Variants in SLFN14 observed in about 807,000 individuals in gnomAD.
SLFN14 encodes schlafen family member 14.
Under a neutral mutation model 58.6 loss-of-function variants are expected in SLFN14, and 47 were observed. The ratio of observed to expected loss-of-function variants is 0.80; its 90% CI spans 0.64 to 1.02. The LOEUF is 1.02. Ranked by LOEUF, SLFN14 falls within the 50% of genes least tolerant of loss-of-function variation. The pLI, the probability that SLFN14 is intolerant of heterozygous loss-of-function variation, is 0.00. For missense variants in SLFN14, 967 were observed against 1,078.4 expected, an observed-to-expected ratio of 0.90 and a Z score of 1.45; for synonymous variants, 390 against 387.3, an observed-to-expected ratio of 1.01 and a Z score of -0.08.
In SLFN14 at chr17:35,548,204, C is replaced by T. The variant is rs368851401; in HGVS notation, c.*35G>A. 5.9e-6 allele frequency: 9 copies of T among 1,532,310 alleles called. No individual in the cohort carries two copies. Among genetic ancestry groups the T allele is most frequent in the East Asian group, 4.9e-5 (2 of 40,794 alleles). The allele number at this position is 1,532,310 out of a possible 1,614,324, so 94.9% of individuals were successfully genotyped here. A position where few individuals can be genotyped will look rare whatever the true frequency, so the allele number is the denominator to read the frequency against. On this transcript the variant is annotated 3_prime_UTR_variant, in exon 6 of 6. Coordinates refer to ENST00000674182, the MANE Select transcript of SLFN14 (RefSeq NM_001129820.2). ...TACCTGTCTAGGAGAAAGGACTCTG[C>T]TCTTCCTGTCTTCCTCTATTATTTG...
Position 35,553,346 on chromosome 17 carries a change from G to T in SLFN14, c.1288C>A (p.Pro430Thr). 1 of 1,551,564 alleles carries T rather than the reference G, an allele frequency of 6.4e-7. No homozygotes were observed. The highest frequency in any genetic ancestry group is 2.4e-5 in the East Asian group (1 of 40,892). ...AATATCACAATCCCCTGAGAACAAGGATGTATCAGGGTCTTCATTAAACCC... is the reference window on the plus strand; with the variant it reads ...AATATCACAATCCCCTGAGAACAAGTATGTATCAGGGTCTTCATTAAACCC... ...LEGLMKTLIH[P>T]CSQGIVIFSR... Residue 430 changes from proline to threonine, a missense_variant, in exon 5 of 6, where the codon CCT (proline) becomes ACT (threonine). Coordinates refer to ENST00000674182, the MANE Select transcript of SLFN14 (RefSeq NM_001129820.2).
At position 35,556,866 on chromosome 17, in the gene SLFN14, G is replaced by A. The variant is rs1176387605; in HGVS notation, c.1060+137C>T. The A allele has an allele frequency of 1.3e-4, 101 of 807,424 alleles. 1 individual carries two copies. Among genetic ancestry groups the A allele is most frequent in the Admixed American group, 6.2e-5 (2 of 32,132 alleles). The allele number at this position is 807,424 out of a possible 1,614,324, so 50.0% of individuals were successfully genotyped here. A position where few individuals can be genotyped will look rare whatever the true frequency, so the allele number is the denominator to read the frequency against. On this transcript the variant is annotated intron_variant, in intron 3 of 5. Coordinates refer to ENST00000674182, the MANE Select transcript of SLFN14 (RefSeq NM_001129820.2). ...TTTGGAACTAAAAATGTTAGATAAG[G>A]AACACTGTAATGGGAGAACACTTAT... is the stretch of plus-strand genomic sequence containing the variant.
intron 4 of SLFN14, among the ~76,000 whole-genome samples, chr17:35,554,102 TAGA>T (rs1263603392): frequency 6.6e-6 from 1 of 151,996 alleles, no homozygotes; most frequent in Non-Finnish European, 1.5e-5. Flanking sequence ...AACCCTGCTT[TAGA>T]AGAAGTTCAG....
At position 35,557,057 on chromosome 17, in the gene SLFN14, C is replaced by A; in HGVS notation, c.1006G>T (p.Val336Phe). Reference sequence around the variant, plus strand: ...CACTGCTCAGCTGTCAGCCGTGTGACAGAATTGTCTTTCATGATCCAGGAA... The same window carrying A: ...CACTGCTCAGCTGTCAGCCGTGTGAAAGAATTGTCTTTCATGATCCAGGAA... The part of the protein sequence containing the change: ...PDSWIMKDNS[V>F]TRLTAEQWVV... The change falls in exon 3 of 6, where the codon GTC becomes TTC. Residue 336 changes from valine (V) to phenylalanine (F), a missense_variant. Physicochemically the swap from Val to Phe is conservative, Grantham distance 50 (BLOSUM62 -1). Coordinates refer to ENST00000674182, the MANE Select transcript of SLFN14 (RefSeq NM_001129820.2). The A allele has an allele frequency of 6.4e-7, 1 of 1,551,660 alleles. No homozygotes were observed. The highest frequency in any genetic ancestry group is 1.2e-5 in the South Asian group (1 of 84,068).
Position 35,552,887 on chromosome 17 carries a change from G to C in SLFN14, c.1747C>G (p.Leu583Val). Residue 583 changes from leucine (L) to valine (V), a missense_variant, in exon 5 of 6, where the codon CTT (leucine) becomes GTT (valine). Coordinates refer to ENST00000674182, the MANE Select transcript of SLFN14 (RefSeq NM_001129820.2). ...ATGAATAATTCACGTGTCTTCTGAA[G>C]ACTCTCAGAAAGCAACTGGCTCTGC... ...MEQSQLLSES[L>V]QKTRELFIYC... The C allele has an allele frequency of 1.3e-6, 2 of 1,551,458 alleles. No individual in the cohort carries two copies. Among genetic ancestry groups the C allele is most frequent in the Non-Finnish European group, 1.7e-6 (2 of 1,146,982 alleles).
In SLFN14 at chr17:35,546,752, A is replaced by G. The variant is rs1465115454; in HGVS notation, c.*1487T>C. 6.6e-6 allele frequency among the ~76,000 whole-genome samples: 1 copy of G among 152,346 alleles called. No individual in the cohort carries two copies. Among genetic ancestry groups the G allele is most frequent in the African/African-American group, 2.4e-5 (1 of 41,580 alleles). On this transcript the variant is annotated 3_prime_UTR_variant, in exon 6 of 6. Transcript: ENST00000674182. ...ATTGGAAAGTTTCACTTAGGGAGAT[A>G]ATAAAAGTTTAATTGAGGTAGTAGG...
intron 5 of SLFN14, among the ~76,000 whole-genome samples, chr17:35,549,541 T>C (rs552947897): frequency 5.8e-4 from 88 of 152,366 alleles, no homozygotes; most frequent in African/African-American, 2.1e-3. Flanking sequence ...CTAAAGCTTC[T>C]TTAGATTTTG....
In SLFN14 at chr17:35,557,638, C is replaced by G. The variant is rs1471562948; in HGVS notation, c.425G>C (p.Ser142Thr). The change falls in exon 3 of 6, where the codon AGT (serine) becomes ACT (threonine). Residue 142 changes from serine to threonine, a missense_variant. Ser to Thr is a moderately conservative substitution (Grantham distance 58). Coordinates refer to ENST00000674182, the MANE Select transcript of SLFN14 (RefSeq NM_001129820.2). ...RRDVTSAINL[S>T]ASSALELLRE... ...GAGAAGCTCCAGGGCACTGCTAGCACTCAAGTTGATAGCAGAAGTCACATC... is the reference window on the plus strand; with the variant it reads ...GAGAAGCTCCAGGGCACTGCTAGCAGTCAAGTTGATAGCAGAAGTCACATC... The G allele has an allele frequency of 1.3e-6, 2 of 1,551,720 alleles. No homozygotes were observed. Among genetic ancestry groups the G allele is most frequent in the Admixed American group, 3.9e-5 (2 of 51,010 alleles).
rs776973292 is a variant in SLFN14, at chr17:35,552,876, T to C, written c.1758A>G (p.Thr586=). Residue 586 remains threonine (T), a synonymous_variant, in exon 5 of 6, where the codon ACA becomes ACG. Transcript: ENST00000674182. ...GAAAGCAGTAGATGAATAATTCACG[T>C]GTCTTCTGAAGACTCTCAGAAAGCA... ...SQLLSESLQK[T]RELFIYCFPG... The C allele has an allele frequency of 6.4e-7, 1 of 1,551,616 alleles. No homozygotes were observed. The highest frequency in any genetic ancestry group is 2.4e-5 in the East Asian group (1 of 40,912).
chr17:35,557,143 C>T lies in SLFN14; in HGVS notation c.920G>A (p.Gly307Asp), dbSNP rs1567716494. Reference sequence around the variant, plus strand: ...CTCCACTTGAATCACACAGACATAACCATCCAGGACATCTTTTTGGTACAC... The same window carrying T: ...CTCCACTTGAATCACACAGACATAATCATCCAGGACATCTTTTTGGTACAC... ...LNVYQKDVLD[G>D]YVCVIQVEPF... Residue 307 changes from glycine to aspartate, a missense_variant, in exon 3 of 6, where the codon GGT becomes GAT. Transcript: ENST00000674182. 6.4e-6 allele frequency: 10 copies of T among 1,551,710 alleles called. No individual in the cohort carries two copies. Among genetic ancestry groups the T allele is most frequent in the Admixed American group, 2.0e-5 (1 of 51,006 alleles).
At chr17:35,554,770 CCT>C in intron 3 of SLFN14, 66 bp from the exon 4 acceptor site, 1 of 1,006,978 alleles carries the variant, frequency 9.9e-7, no homozygotes, top group Middle Eastern at 2.4e-4. Context: ...AAAAAAAAAG[CCT>C]CTTTTTTTGG....
intron 5 of SLFN14, among the ~76,000 whole-genome samples, chr17:35,552,039 A>G (rs1369742155): frequency 6.6e-6 from 1 of 152,182 alleles, no homozygotes; most frequent in East Asian, 1.9e-4. Flanking sequence ...CAAAGCTACA[A>G]ATGGTTCTTC....
At position 35,557,535 on chromosome 17, in the gene SLFN14, G is replaced by A; in HGVS notation, c.528C>T (p.Cys176=). 1 of 1,551,606 alleles carries A rather than the reference G, an allele frequency of 6.4e-7. No individual in the cohort carries two copies. Among genetic ancestry groups the A allele is most frequent in the Non-Finnish European group, 8.7e-7 (1 of 1,146,992 alleles). ...TCCTCATATCTTCCTCTTCCTGAAT[G>A]CATCTATTGAGAACCTGCTGAGGAT... ...KLHPQQVLNR[C]IQEEEDMRIL... is the part of the protein sequence containing the mutation. The change falls in exon 3 of 6, where the codon TGC becomes TGT. Residue 176 remains cysteine (C), a synonymous_variant. Transcript: ENST00000674182.
chr17:35,545,198 GACTT>G lies in SLFN14; in HGVS notation c.*3037_*3040del. ...AGTGTTAAAGATTATTCTCCACACT[GACTT>G]CTTTGAAATCTCTAACATTAGAAAT... On this transcript the variant is annotated 3_prime_UTR_variant, in exon 6 of 6. Coordinates refer to ENST00000674182, the MANE Select transcript of SLFN14 (RefSeq NM_001129820.2). Among the ~76,000 whole-genome samples, 1 of 152,128 alleles carries G rather than the reference GACTT, an allele frequency of 6.6e-6. No homozygotes were observed. Among genetic ancestry groups the G allele is most frequent in the Non-Finnish European group, 1.5e-5 (1 of 68,024 alleles).
At position 35,557,763 on chromosome 17, in the gene SLFN14, C is replaced by T. The variant is rs1335315024; in HGVS notation, c.300G>A (p.Gln100=). 1 of 1,551,726 alleles carries T rather than the reference C, an allele frequency of 6.4e-7. No individual in the cohort carries two copies. The highest frequency in any genetic ancestry group is 8.7e-7 in the Non-Finnish European group (1 of 1,147,000). ...CAAAAATCAGGAGATTGTGCCCCTG[C>T]TGCATGTAGTCAAGGTATTTCTGTG... is the stretch of plus-strand genomic sequence containing the variant. The part of the protein sequence containing the change: ...SGSQKYLDYM[Q]QGHNLLIFVK... The change falls in exon 3 of 6, where the codon CAG becomes CAA. Residue 100 remains glutamine (Q), a synonymous_variant. Transcript: ENST00000674182.
At chr17:35,555,426 C>T in intron 3 of SLFN14, among the ~76,000 whole-genome samples, 1 of 150,558 alleles carries the variant, frequency 6.6e-6, no homozygotes, top group East Asian at 1.9e-4. Flanking sequence ...TGGTGGTGTG[C>T]CTGTAATCCC....
At position 35,546,371 on chromosome 17, in the gene SLFN14, C is replaced by T. The variant is rs994744203; in HGVS notation, c.*1868G>A. On this transcript the variant is annotated 3_prime_UTR_variant, in exon 6 of 6. Transcript: ENST00000674182. ...AAGGGAGAGGTTTTTCTTTTCAACC[C>T]GTGCCTAGGTACAGACTAGCCCTTC... is the stretch of plus-strand genomic sequence containing the variant. Among the ~76,000 whole-genome samples, 2 of 152,064 alleles carry T rather than the reference C, an allele frequency of 1.3e-5. No individual in the cohort carries two copies. The highest frequency in any genetic ancestry group is 4.8e-5 in the African/African-American group (2 of 41,392).
chr17:35,557,344 C>G lies in SLFN14; in HGVS notation c.719G>C (p.Gly240Ala). 1 of 1,551,718 alleles carries G rather than the reference C, an allele frequency of 6.4e-7. No homozygotes were observed. Among genetic ancestry groups the G allele is most frequent in the Non-Finnish European group, 8.7e-7 (1 of 1,146,994 alleles). ...HYVSAFANTQGGYVLIGVDDK... is the reference protein window; with the variant it reads ...HYVSAFANTQAGYVLIGVDDK... ...ATCCACCCCAATGAGGACATATCCC[C>G]CTTGAGTGTTGGCAAATGCAGAAAC... is the stretch of plus-strand genomic sequence containing the variant. The change falls in exon 3 of 6, where the codon GGG becomes GCG. Residue 240 changes from glycine (G) to alanine (A), a missense_variant. Coordinates refer to ENST00000674182, the MANE Select transcript of SLFN14 (RefSeq NM_001129820.2).
Position 35,547,538 on chromosome 17 carries a change from C to A in SLFN14, c.*701G>T, listed in dbSNP as rs1276047421. On this transcript the variant is annotated 3_prime_UTR_variant, in exon 6 of 6. Transcript: ENST00000674182. ...GACCCACTTATGACTATGGTCCTCACTATAAATTAACAGAGTAACATTTTG... is the reference window on the plus strand; with the variant it reads ...GACCCACTTATGACTATGGTCCTCAATATAAATTAACAGAGTAACATTTTG... Among the ~76,000 whole-genome samples, 2 of 152,204 alleles carry A rather than the reference C, an allele frequency of 1.3e-5. No homozygotes were observed. Among genetic ancestry groups the A allele is most frequent in the Non-Finnish European group, 2.9e-5 (2 of 68,046 alleles).
Sources: gnomAD v4.1 joint callset for allele counts (sites outside exome capture counted in the v4.1 genomes callset) on GRCh38, gnomAD v4.1.1 for gene constraint, MANE v1.5 for transcripts, NCBI Gene and HGNC (gene_info 2026-07-23, HGNC 2026-07-21) for gene names.